CHERP: variants seen among roughly 807,000 people sequenced by gnomAD.
CHERP encodes the protein calcium homeostasis endoplasmic reticulum protein.
Under a neutral mutation model 113.8 loss-of-function variants are expected in CHERP, and 8 were observed. That is an observed-to-expected ratio of 0.07 (90% CI 0.04 to 0.13). The LOEUF is 0.13. CHERP is among the 10% of genes least tolerant of loss of function. The pLI, the probability that CHERP is intolerant of heterozygous loss-of-function variation, is 1.00. For missense variants in CHERP, 884 were observed against 1,298.2 expected, an observed-to-expected ratio of 0.68 and a Z score of 4.90; for synonymous variants, 559 against 524.5, an observed-to-expected ratio of 1.07 and a Z score of -0.90.
intron 8 of CHERP, among the ~76,000 whole-genome samples, chr19:16,528,536 G>GA (rs1187745550): frequency 3.9e-5 from 6 of 152,170 alleles, no homozygotes; most frequent in African/African-American, 1.4e-4. Flanking sequence ...TATCCACACT[G>GA]AATTTGATTA....
chr19:16,532,770 AC>A lies in CHERP; in HGVS notation c.523-22del. The A allele has an allele frequency of 6.3e-7, 1 of 1,597,080 alleles. No individual in the cohort carries two copies. The highest frequency in any genetic ancestry group is 8.6e-7 in the Non-Finnish European group (1 of 1,168,042). ...CCGGCCTGCAACAACCGAGCCAATG[AC>A]GAGTGAGCAGGGCCGCGGCTCCCCC... On this transcript the variant is annotated intron_variant, in intron 4 of 16. Transcript: ENST00000546361. This position sits in a 1 kb window ranked among gnomAD's most constrained non-coding sequence, Gnocchi z 4.4.
In CHERP at chr19:16,523,103, G is replaced by A. The variant is rs1448051051; in HGVS notation, c.1929C>T (p.Pro643=). 2 of 1,539,134 alleles carry A rather than the reference G, an allele frequency of 1.3e-6. No homozygotes were observed. Among genetic ancestry groups the A allele is most frequent in the African/African-American group, 1.4e-5 (1 of 70,804 alleles). Residue 643 remains proline (P), a synonymous_variant, in exon 11 of 17, where the codon CCC becomes CCT. Coordinates refer to ENST00000546361, the MANE Select transcript of CHERP (RefSeq NM_006387.6). This position sits in a 1 kb window ranked among gnomAD's most constrained non-coding sequence, Gnocchi z 4.0. ...CAGGGAGATCGAAGTAGGGCACATT[G>A]GGGACCAGGCTGGGGTCATCGTGGT... ...HINHDDPSLV[P]NVPYFDLPAG... is the part of the protein sequence containing the mutation.
Position 16,521,567 on chromosome 19 carries a change from C to T in CHERP, c.2068G>A (p.Val690Met). ...MPPSERLLAA[V>M]EAFYSPPSHD... Reference sequence around the variant, plus strand: ...GACGGGGGGCTGTAGAAGGCCTCCACTGCAGCCAGCAGCCTCTCGCTGGGC... The same window carrying T: ...GACGGGGGGCTGTAGAAGGCCTCCATTGCAGCCAGCAGCCTCTCGCTGGGC... The change falls in exon 12 of 17, where the codon GTG (valine) becomes ATG (methionine). Residue 690 changes from valine (V) to methionine (M), a missense_variant. This residue lies in a region of CHERP where 464 missense variants were observed against 590.1 expected (regional missense o/e 0.79). Coordinates refer to ENST00000546361, the MANE Select transcript of CHERP (RefSeq NM_006387.6). 3 of 1,607,270 alleles carry T rather than the reference C, an allele frequency of 1.9e-6. No homozygotes were observed. Among genetic ancestry groups the T allele is most frequent in the Non-Finnish European group, 2.5e-6 (3 of 1,177,754 alleles).
Position 16,542,414 on chromosome 19 carries a change from C to T in CHERP, c.-36G>A. 2 of 1,338,588 alleles carry T rather than the reference C, an allele frequency of 1.5e-6. No homozygotes were observed. Among genetic ancestry groups the T allele is most frequent in the Non-Finnish European group, 9.6e-7 (1 of 1,037,336 alleles). The allele number at this position is 1,338,588 out of a possible 1,614,324, so 82.9% of individuals were successfully genotyped here. On this transcript the variant is annotated 5_prime_UTR_variant, in exon 1 of 17. The change creates a new upstream start codon in the 5' untranslated region. Coordinates refer to ENST00000546361, the MANE Select transcript of CHERP (RefSeq NM_006387.6). ...GCGGGGAACGTCCTCCGGCGCCACA[C>T]GATCGACCACCAGCGCCGTCTGCGG...
At chr19:16,541,711 G>A (rs1179901702) in intron 2 of CHERP, 159 bp downstream of exon 2, 2 of 781,262 alleles carry the variant, frequency 2.6e-6, no homozygotes, top group African/African-American at 1.7e-5. Context: ...GCCGCTCTGT[G>A]CAGGGCCGTG....
rs529518018 is a variant in CHERP at position 16,530,939 on chromosome 19, C to T, written c.675-59G>A. The T allele has an allele frequency of 5.7e-6, 9 of 1,585,132 alleles. No individual in the cohort carries two copies. Among genetic ancestry groups the T allele is most frequent in the Admixed American group, 3.4e-5 (2 of 58,060 alleles). On this transcript the variant is annotated intron_variant, in intron 5 of 16. Transcript: ENST00000546361. This position sits in a 1 kb window ranked among gnomAD's most constrained non-coding sequence, Gnocchi z 4.1. Reference sequence around the variant, plus strand: ...CTGGGGCGGGACCCGGCCACGCGCCCGTTACCATCGCGGCTCCAGCCTCAG... The same window carrying T: ...CTGGGGCGGGACCCGGCCACGCGCCTGTTACCATCGCGGCTCCAGCCTCAG...
At chr19:16,536,460 T>C (rs2085742360) in intron 2 of CHERP, among the ~76,000 whole-genome samples, 1 of 152,036 alleles carries the variant, frequency 6.6e-6, no homozygotes, top group Non-Finnish European at 1.5e-5. Context: ...AGAGCCCCAC[T>C]CCAAGGGGAC....
chr19:16,523,475 G>A lies in CHERP; in HGVS notation c.1742-185C>T, dbSNP rs977554879. ...CGAGGAGCCAGGCTCCGAGGGGCCT[G>A]TCCCGCACCCATAGGCACAGCCGAG... On this transcript the variant is annotated intron_variant, in intron 10 of 16. Coordinates refer to ENST00000546361, the MANE Select transcript of CHERP (RefSeq NM_006387.6). The surrounding 1 kb of genome is among the most constrained non-coding windows in gnomAD (Gnocchi z 4.0). Among the ~76,000 whole-genome samples the A allele has an allele frequency of 6.6e-6, 1 of 152,110 alleles. No individual in the cohort carries two copies. Among genetic ancestry groups the A allele is most frequent in the African/African-American group, 2.4e-5 (1 of 41,416 alleles).
chr19:16,535,327 G>C lies in CHERP; in HGVS notation c.384+125C>G, dbSNP rs1378262097. 1 of 1,001,606 alleles carries C rather than the reference G, an allele frequency of 1.0e-6. No individual in the cohort carries two copies. The highest frequency in any genetic ancestry group is 1.5e-6 in the Non-Finnish European group (1 of 681,198). The allele number at this position is 1,001,606 out of a possible 1,614,324, so 62.0% of individuals were successfully genotyped here. A position where few individuals can be genotyped will look rare whatever the true frequency, so the allele number is the denominator to read the frequency against. ...GGGGTGACAGTGGCTGACATGCACC[G>C]AGCCCTGGGTGGCAGGGGGGGCCCT... On this transcript the variant is annotated intron_variant, in intron 3 of 16. Coordinates refer to ENST00000546361, the MANE Select transcript of CHERP (RefSeq NM_006387.6). This position sits in a 1 kb window ranked among gnomAD's most constrained non-coding sequence, Gnocchi z 4.3.
rs1437396518 is a variant in CHERP at position 16,528,338 on chromosome 19, G to C, written c.1130-83C>G. 6 of 1,373,460 alleles carry C rather than the reference G, an allele frequency of 4.4e-6. No individual in the cohort carries two copies. The African/African-American group carries it at 7.3e-5, about 17-fold the overall frequency. The allele number at this position is 1,373,460 out of a possible 1,614,324, so 85.1% of individuals were successfully genotyped here. A position where few individuals can be genotyped will look rare whatever the true frequency, so the allele number is the denominator to read the frequency against. ...CTCCACACTACCCCAGAGCAAACCA[G>C]GCTACCGCTTTTAGTGCCCAGTGGA... On this transcript the variant is annotated intron_variant, in intron 8 of 16. Transcript: ENST00000546361.
In CHERP at chr19:16,520,801, C is replaced by T. The variant is rs1264489135; in HGVS notation, c.2201+25G>A. 5 of 1,609,076 alleles carry T rather than the reference C, an allele frequency of 3.1e-6. No individual in the cohort carries two copies. In the Admixed American group the frequency reaches 8.3e-5, roughly 27 times the overall value. On this transcript the variant is annotated intron_variant, in intron 13 of 16. Transcript: ENST00000546361. This position sits in a 1 kb window ranked among gnomAD's most constrained non-coding sequence, Gnocchi z 4.0. ...CAAGCTGTGGACCCTGGCCCCCCGGCCACTGCAGACATCTGCGCTTTTACC... is the reference window on the plus strand; with the variant it reads ...CAAGCTGTGGACCCTGGCCCCCCGGTCACTGCAGACATCTGCGCTTTTACC...
chr19:16,522,884 G>A (rs73513194), intron 11 of CHERP, among the ~76,000 whole-genome samples, 168 bp downstream of exon 11: 197 of 152,264 alleles, frequency 1.3e-3, no homozygotes, highest in African/African-American at 4.5e-3. Context: ...CAGCCACACC[G>A]TGCTACTCCG....
rs373233686 is a variant in CHERP at position 16,519,580 on chromosome 19, G to C, written c.2557+41C>G. On this transcript the variant is annotated intron_variant, in intron 16 of 16. Coordinates refer to ENST00000546361, the MANE Select transcript of CHERP (RefSeq NM_006387.6). This position sits in a 1 kb window ranked among gnomAD's most constrained non-coding sequence, Gnocchi z 6.0. ...CTGGTGACTCCCGGGCCCAGCACGC[G>C]TGAGGACCCATCCCGCGCCCTCCCC... 88 of 1,548,382 alleles carry C rather than the reference G, an allele frequency of 5.7e-5. No homozygotes were observed. The highest frequency in any genetic ancestry group is 7.1e-5 in the Non-Finnish European group (79 of 1,120,528).
chr19:16,537,423 G>T (rs2122285281), intron 2 of CHERP, among the ~76,000 whole-genome samples: 1 of 152,188 alleles, frequency 6.6e-6, no homozygotes, highest in South Asian at 2.1e-4. Flanking sequence ...GATTGTGCAT[G>T]GTGTGATTCC....
rs1429125093 is a variant in CHERP, at chr19:16,530,240, G to T, written c.877-340C>A. Among the ~76,000 whole-genome samples the T allele has an allele frequency of 2.0e-5, 3 of 152,252 alleles. No homozygotes were observed. Among genetic ancestry groups the T allele is most frequent in the African/African-American group, 7.2e-5 (3 of 41,466 alleles). Reference sequence around the variant, plus strand: ...ATGGGCTCTGCCTCCCACTCGCCATGTGGCTCTCAGCAAGAGGGGCTGCCA... The same window carrying T: ...ATGGGCTCTGCCTCCCACTCGCCATTTGGCTCTCAGCAAGAGGGGCTGCCA... On this transcript the variant is annotated intron_variant, in intron 7 of 16. Transcript: ENST00000546361. The surrounding 1 kb of genome is among the most constrained non-coding windows in gnomAD (Gnocchi z 4.1).
Position 16,532,919 on chromosome 19 carries a change from G to GT in CHERP, c.522+91dup. ...CAGGCGGGAGGGAAGGGCACCCATT[G>GT]TAACAGCCCTTAGCCCAGATTGGCT... On this transcript the variant is annotated intron_variant, in intron 4 of 16. Coordinates refer to ENST00000546361, the MANE Select transcript of CHERP (RefSeq NM_006387.6). This position sits in a 1 kb window ranked among gnomAD's most constrained non-coding sequence, Gnocchi z 4.4. 6.6e-7 allele frequency: 1 copy of GT among 1,518,386 alleles called. No individual in the cohort carries two copies. The highest frequency in any genetic ancestry group is 8.9e-7 in the Non-Finnish European group (1 of 1,125,432). The allele number at this position is 1,518,386 out of a possible 1,614,324, so 94.1% of individuals were successfully genotyped here.
chr19:16,519,946 A>G lies in CHERP; in HGVS notation c.2462+203T>C. The G allele has an allele frequency of 1.5e-6, 1 of 668,292 alleles. No individual in the cohort carries two copies. The highest frequency in any genetic ancestry group is 2.6e-6 in the Non-Finnish European group (1 of 390,932). The allele number at this position is 668,292 out of a possible 1,614,324, so 41.4% of individuals were successfully genotyped here. A position where few individuals can be genotyped will look rare whatever the true frequency, so the allele number is the denominator to read the frequency against. ...TGAGAGCAGGACACCTCCAACCCAG[A>G]TGGTGGTTAGAAAGCAGACCCCAGT... On this transcript the variant is annotated intron_variant, in intron 15 of 16. Coordinates refer to ENST00000546361, the MANE Select transcript of CHERP (RefSeq NM_006387.6). This position sits in a 1 kb window ranked among gnomAD's most constrained non-coding sequence, Gnocchi z 6.0.
Position 16,542,432 on chromosome 19 carries a change from GTC to G in CHERP, c.-56_-55del, listed in dbSNP as rs2085787482. ...CGCCACACGATCGACCACCAGCGCCGTCTGCGGAAGCCGGCCGGAAGTGGCGC... is the reference window on the plus strand; with the variant it reads ...CGCCACACGATCGACCACCAGCGCCGTGCGGAAGCCGGCCGGAAGTGGCGC... On this transcript the variant is annotated 5_prime_UTR_variant, in exon 1 of 17. Coordinates refer to ENST00000546361, the MANE Select transcript of CHERP (RefSeq NM_006387.6). 1 of 1,309,568 alleles carries G rather than the reference GTC, an allele frequency of 7.6e-7. No individual in the cohort carries two copies. Among genetic ancestry groups the G allele is most frequent in the African/African-American group, 1.5e-5 (1 of 66,086 alleles). 81.1% of individuals were successfully genotyped at this position (1,309,568 alleles called of 1,614,324 possible). A position where few individuals can be genotyped will look rare whatever the true frequency, so the allele number is the denominator to read the frequency against.
At position 16,519,857 on chromosome 19, in the gene CHERP, C is replaced by T. The variant is rs992263562; in HGVS notation, c.2463-142G>A. ...CGTATGCAGATTTTGCGTCTCTACCCGTTTATCCTGTCTCAGCTAGATAAG... is the reference window on the plus strand; with the variant it reads ...CGTATGCAGATTTTGCGTCTCTACCTGTTTATCCTGTCTCAGCTAGATAAG... On this transcript the variant is annotated intron_variant, in intron 15 of 16. Transcript: ENST00000546361. The surrounding 1 kb of genome is among the most constrained non-coding windows in gnomAD (Gnocchi z 6.0). 6 of 783,408 alleles carry T rather than the reference C, an allele frequency of 7.7e-6. No homozygotes were observed. Among genetic ancestry groups the T allele is most frequent in the East Asian group, 2.5e-5 (1 of 40,002 alleles). 48.5% of individuals were successfully genotyped at this position (783,408 alleles called of 1,614,324 possible).
Sources: gnomAD v4.1 joint callset for allele counts (sites outside exome capture counted in the v4.1 genomes callset) on GRCh38, gnomAD v4.1.1 for gene constraint, gnomAD v4.1.1 regional missense constraint, Gnocchi (gnomAD v3.1) non-coding constraint, MANE v1.5 for transcripts, NCBI Gene and HGNC (gene_info 2026-07-23, HGNC 2026-07-21) for gene names.